NSRP1: variants seen among roughly 807,000 people sequenced by gnomAD.
The protein encoded by NSRP1 is coiled-coil domain containing 55.
Under a neutral mutation model 54.7 loss-of-function variants are expected in NSRP1, and 24 were observed. The ratio of observed to expected loss-of-function variants is 0.44; its 90% CI spans 0.32 to 0.62. The LOEUF is 0.62. Ranked by LOEUF, NSRP1 falls within the 20% of genes least tolerant of loss-of-function variation. The pLI is 0.06. For synonymous variants in NSRP1, 210 were observed against 213.8 expected (o/e 0.98, Z 0.15); for missense variants, 596 against 651.2 (o/e 0.92, Z 0.92).
chr17:30,169,775 T>C (rs886994090), intron 2 of NSRP1, among the ~76,000 whole-genome samples: 1 of 152,030 alleles, frequency 6.6e-6, no homozygotes, highest in African/African-American at 2.4e-5. Flanking sequence ...AAATATGTAT[T>C]ATATGACCTT....
At chr17:30,176,949 AAAAG>A (rs1373047822) in intron 3 of NSRP1, among the ~76,000 whole-genome samples, 1 of 152,206 alleles carries the variant, frequency 6.6e-6, no homozygotes, top group Non-Finnish European at 1.5e-5. Context: ...CTATCACTTA[AAAAG>A]GATCCCTCTT....
At chr17:30,148,690 C>G (rs1297646053) in intron 2 of NSRP1, among the ~76,000 whole-genome samples, 1 of 152,176 alleles carries the variant, frequency 6.6e-6, no homozygotes, top group Non-Finnish European at 1.5e-5. Flanking sequence ...AGGCAGAGGA[C>G]TATTGCTTCC....
intron 2 of NSRP1, among the ~76,000 whole-genome samples, chr17:30,160,259 T>G (rs1904468040): frequency 6.6e-6 from 1 of 152,126 alleles, no homozygotes; most frequent in Non-Finnish European, 1.5e-5. Flanking sequence ...AGTTTTTTTG[T>G]TTTGTTTTGT....
intron 3 of NSRP1, among the ~76,000 whole-genome samples, chr17:30,174,640 A>AGG (rs1173837932): frequency 6.6e-6 from 1 of 152,200 alleles, no homozygotes; most frequent in African/African-American, 2.4e-5. Context: ...ATTTGTTGCT[A>AGG]ATCTAAGGAA....
At chr17:30,133,712 C>T (rs528919153) in intron 2 of NSRP1, among the ~76,000 whole-genome samples, 2 of 152,236 alleles carry the variant, frequency 1.3e-5, no homozygotes, top group South Asian at 4.2e-4. Flanking sequence ...TTATTGTAGC[C>T]ACTTTCATTG....
chr17:30,171,963 CACACA>C (rs1904950023), intron 2 of NSRP1, among the ~76,000 whole-genome samples: 4 of 137,016 alleles, frequency 2.9e-5, no homozygotes, highest in Non-Finnish European at 4.7e-5. Flanking sequence ...CACACACACA[CACACA>C]CACACTCCCT....
At chr17:30,134,387 G>T (rs1279297045) in intron 2 of NSRP1, among the ~76,000 whole-genome samples, 1 of 152,154 alleles carries the variant, frequency 6.6e-6, no homozygotes, top group Non-Finnish European at 1.5e-5. Context: ...TGGAAAAATG[G>T]CACTGATAGA....
At chr17:30,130,336 T>C (rs2071688688) in intron 2 of NSRP1, among the ~76,000 whole-genome samples, 1 of 152,118 alleles carries the variant, frequency 6.6e-6, no homozygotes, top group Non-Finnish European at 1.5e-5. Context: ...TGGCTTCAAA[T>C]GATCCTCCTG....
intron 3 of NSRP1, among the ~76,000 whole-genome samples, chr17:30,174,909 GCAT>G (rs1439303823): frequency 6.6e-6 from 1 of 152,082 alleles, no homozygotes; most frequent in Non-Finnish European, 1.5e-5. Flanking sequence ...GAAGATTTTT[GCAT>G]CATAAGTGAG....
intron 2 of NSRP1, among the ~76,000 whole-genome samples, chr17:30,121,422 A>G (rs1012167704): frequency 6.7e-5 from 10 of 150,252 alleles, no homozygotes; most frequent in African/African-American, 2.0e-4. Context: ...CATTGAATAT[A>G]TGGGAAAGAG....
In NSRP1 at chr17:30,180,954, G is replaced by A; in HGVS notation, c.555G>A (p.Arg185=). Residue 185 remains arginine (R), a synonymous_variant, in exon 6 of 7, where the codon AGG becomes AGA. Coordinates refer to ENST00000247026, the MANE Select transcript of NSRP1 (RefSeq NM_032141.4). ...TKQKDLSGFY[R]HLLNQAVGEE... ...AGAAAGATCTCAGTGGATTTTATAG[G>A]CACCTATTAAATCAAGCAGTTGGTG... The A allele has an allele frequency of 3.7e-6, 6 of 1,613,742 alleles. No homozygotes were observed. Among genetic ancestry groups the A allele is most frequent in the Non-Finnish European group, 5.1e-6 (6 of 1,179,838 alleles).
intron 4 of NSRP1, 23 bp downstream of exon 4, chr17:30,178,222 CT>C: frequency 6.3e-7 from 1 of 1,585,376 alleles, no homozygotes; most frequent in African/African-American, 1.4e-5. Flanking sequence ...AAATAACAAA[CT>C]TTCTTTGACC....
intron 6 of NSRP1, among the ~76,000 whole-genome samples, chr17:30,182,440 G>A (rs1388928056): frequency 6.6e-6 from 1 of 151,902 alleles, no homozygotes; most frequent in Non-Finnish European, 1.5e-5. Context: ...TCAGGAGATG[G>A]AGACCATCCT....
intron 2 of NSRP1, among the ~76,000 whole-genome samples, chr17:30,123,091 A>G (rs1330645237): frequency 1.4e-5 from 2 of 137,940 alleles, no homozygotes; most frequent in African/African-American, 7.0e-5. Context: ...AGCCACATTT[A>G]TCTCTTTTTA....
At chr17:30,165,034 T>G (rs1904681056) in intron 2 of NSRP1, among the ~76,000 whole-genome samples, 1 of 152,202 alleles carries the variant, frequency 6.6e-6, no homozygotes, top group Non-Finnish European at 1.5e-5. Flanking sequence ...TTTGCGATAT[T>G]TATACTAAGC....
At chr17:30,177,952 A>C in intron 3 of NSRP1, 119 bp from the exon 4 acceptor site, 1 of 1,201,438 alleles carries the variant, frequency 8.3e-7, no homozygotes, top group Non-Finnish European at 1.2e-6. Context: ...CCTATCTAAA[A>C]ATGTGATTGT....
intron 2 of NSRP1, chr17:30,144,728 T>C (rs1447420435): frequency 6.6e-6 from 1 of 152,250 alleles, no homozygotes; most frequent in Non-Finnish European, 1.5e-5. Flanking sequence ...GTTATGCCTA[T>C]GCATACAATA....
chr17:30,116,842 A>C lies in NSRP1; in HGVS notation c.-2A>C, dbSNP rs1469550921. On this transcript the variant is annotated 5_prime_UTR_variant, in exon 1 of 7. Transcript: ENST00000247026. ...GCCACGTTCAGCGGACACGGGAGCA[A>C]GATGGCGATTCCGGGCAGGCAGTGA... is the stretch of plus-strand genomic sequence containing the variant. The C allele has an allele frequency of 6.3e-7, 1 of 1,575,506 alleles. No homozygotes were observed. Among genetic ancestry groups the C allele is most frequent in the Non-Finnish European group, 8.6e-7 (1 of 1,160,130 alleles).
At chr17:30,118,006 G>C (rs2071558369) in intron 1 of NSRP1, 74 bp from the exon 2 acceptor site, 2 of 1,145,668 alleles carry the variant, frequency 1.7e-6, no homozygotes, top group South Asian at 2.5e-5. Context: ...GCTTCATGTG[G>C]AAGAGGTAGT....
Sources: gnomAD v4.1 joint callset for allele counts (sites outside exome capture counted in the v4.1 genomes callset) on GRCh38, gnomAD v4.1.1 for gene constraint, MANE v1.5 for transcripts, NCBI Gene and HGNC (gene_info 2026-07-23, HGNC 2026-07-21) for gene names.